IMMP2L: variants seen among roughly 807,000 people sequenced by gnomAD.
IMMP2L encodes the protein inner mitochondrial membrane peptidase subunit 2, also known as mitochondrial inner membrane protease subunit 2.
In IMMP2L, 18 loss-of-function variants were observed where a neutral mutation model predicts 19.3. The ratio of observed to expected loss-of-function variants is 0.93; its 90% CI spans 0.64 to 1.38. The LOEUF (loss-of-function observed/expected upper bound fraction) is 1.38, where lower values mean the gene tolerates loss of function less well. IMMP2L is among the 40% of genes most tolerant of loss of function. The pLI is 0.00. For missense variants in IMMP2L, 233 were observed against 218.2 expected (o/e 1.07, Z -0.43); for synonymous variants, 76 against 73.0 (o/e 1.04, Z -0.21).
chr7:110,856,934 C>A (rs1457729274), intron 5 of IMMP2L, among the ~76,000 whole-genome samples: 2 of 151,998 alleles, frequency 1.3e-5, no homozygotes, highest in African/African-American at 4.8e-5. Flanking sequence ...GAAACAAAAA[C>A]CACTGTCTCT....
At chr7:111,168,064 TTAA>T (rs1346630043) in intron 3 of IMMP2L, among the ~76,000 whole-genome samples, 1 of 151,950 alleles carries the variant, frequency 6.6e-6, no homozygotes, top group Non-Finnish European at 1.5e-5. Context: ...GTTTTCAGTC[TTAA>T]TAAATTTCAT....
At chr7:110,783,168 C>T (rs550848575) in intron 5 of IMMP2L, among the ~76,000 whole-genome samples, 1 of 151,842 alleles carries the variant, frequency 6.6e-6, no homozygotes, top group East Asian at 1.9e-4. Context: ...AGGGACCATA[C>T]AGAATAGGGA....
chr7:110,808,759 C>T lies in IMMP2L; in HGVS notation c.408+77834G>A, dbSNP rs572410150. On this transcript the variant is annotated intron_variant, in intron 5 of 5. Coordinates refer to ENST00000405709, the MANE Select transcript of IMMP2L (RefSeq NM_032549.4). Reference sequence around the variant, plus strand: ...AGCATTCAGAATCTCTGGATGTTTACCAGATAGTTTAAAGGAAACATAGAG... The same window carrying T: ...AGCATTCAGAATCTCTGGATGTTTATCAGATAGTTTAAAGGAAACATAGAG... Among the ~76,000 whole-genome samples, 255 of 152,050 alleles carry T rather than the reference C, an allele frequency of 1.7e-3. 1 individual carries two copies. Among genetic ancestry groups the T allele is most frequent in the Middle Eastern group, 0.01 (3 of 294 alleles).
At chr7:111,224,246 T>C (rs945155528) in intron 3 of IMMP2L, among the ~76,000 whole-genome samples, 2 of 152,104 alleles carry the variant, frequency 1.3e-5, no homozygotes, top group Non-Finnish European at 2.9e-5. Flanking sequence ...GAGAATGTCA[T>C]TATTCTGACC....
chr7:110,867,948 CCA>C (rs1198504682), intron 5 of IMMP2L, among the ~76,000 whole-genome samples: 1 of 151,914 alleles, frequency 6.6e-6, no homozygotes, highest in Non-Finnish European at 1.5e-5. Context: ...GTTGTCACCC[CCA>C]GAGGTCCCCA....
chr7:111,222,843 C>A (rs1812665026), intron 3 of IMMP2L, among the ~76,000 whole-genome samples: 2 of 151,950 alleles, frequency 1.3e-5, no homozygotes, highest in African/African-American at 4.8e-5. Context: ...CCTAAAAAAT[C>A]TGTTGTCCAT....
At chr7:111,078,137 C>G (rs535713072) in intron 3 of IMMP2L, among the ~76,000 whole-genome samples, 1 of 152,248 alleles carries the variant, frequency 6.6e-6, no homozygotes, top group African/African-American at 2.4e-5. Flanking sequence ...CTTACATCAC[C>G]CCAAGTAACA....
chr7:111,205,929 T>C (rs766412033), intron 3 of IMMP2L, among the ~76,000 whole-genome samples: 4 of 152,192 alleles, frequency 2.6e-5, no homozygotes, highest in Non-Finnish European at 2.9e-5. Flanking sequence ...TAGAAGAAAC[T>C]GGCTGGAAGC....
At chr7:111,266,148 G>A (rs1329483148) in intron 3 of IMMP2L, among the ~76,000 whole-genome samples, 1 of 152,154 alleles carries the variant, frequency 6.6e-6, no homozygotes, top group Non-Finnish European at 1.5e-5. Context: ...TATGAGAACA[G>A]TGACTGCTGT....
intron 3 of IMMP2L, among the ~76,000 whole-genome samples, chr7:111,139,083 G>T (rs1336231930): frequency 2.0e-5 from 3 of 151,872 alleles, no homozygotes; most frequent in Non-Finnish European, 4.4e-5. Flanking sequence ...ACAAATAAAT[G>T]AATGTGATAT....
intron 3 of IMMP2L, among the ~76,000 whole-genome samples, chr7:111,333,753 C>G (rs917122302): frequency 6.6e-6 from 1 of 152,098 alleles, no homozygotes; most frequent in African/African-American, 2.4e-5. Flanking sequence ...CAGCCTACAT[C>G]TTTCTCCCGT....
chr7:111,441,448 G>C (rs982206124), intron 3 of IMMP2L, among the ~76,000 whole-genome samples: 2 of 151,738 alleles, frequency 1.3e-5, no homozygotes, highest in Non-Finnish European at 2.9e-5. Flanking sequence ...AGGAACTGCA[G>C]GTCGGTGGAG....
chr7:110,786,838 G>C (rs1252615484), intron 5 of IMMP2L, among the ~76,000 whole-genome samples: 1 of 151,974 alleles, frequency 6.6e-6, no homozygotes, highest in Non-Finnish European at 1.5e-5. Flanking sequence ...TAACTTGCAG[G>C]CTTCCTTTTA....
intron 1 of IMMP2L, among the ~76,000 whole-genome samples, chr7:111,540,438 T>A (rs570413154): frequency 6.6e-6 from 1 of 152,190 alleles, no homozygotes; most frequent in Admixed American, 6.5e-5. Context: ...CTGTAACAAG[T>A]TAAGTGAATC....
intron 5 of IMMP2L, among the ~76,000 whole-genome samples, chr7:110,687,140 T>C (rs1438629550): frequency 6.6e-6 from 1 of 152,102 alleles, no homozygotes; most frequent in Non-Finnish European, 1.5e-5. Flanking sequence ...GTAACCAGCA[T>C]GGTTACTCTG....
intron 5 of IMMP2L, among the ~76,000 whole-genome samples, chr7:110,851,472 A>C (rs897531689): frequency 2.0e-5 from 3 of 152,122 alleles, no homozygotes; most frequent in African/African-American, 7.2e-5. Flanking sequence ...TTGTCCTGAG[A>C]CGTTGTTTAT....
chr7:111,325,246 A>G (rs1825185340), intron 3 of IMMP2L, among the ~76,000 whole-genome samples: 1 of 151,716 alleles, frequency 6.6e-6, no homozygotes, highest in African/African-American at 2.4e-5. Context: ...CTTTTAATAT[A>G]ACACTGATTA....
intron 5 of IMMP2L, among the ~76,000 whole-genome samples, chr7:110,682,515 G>A (rs1330731425): frequency 6.6e-6 from 1 of 152,220 alleles, no homozygotes; most frequent in African/African-American, 2.4e-5. Flanking sequence ...ATGTAGATTG[G>A]ACACAACTCA....
chr7:111,469,297 C>A (rs1840986066), intron 3 of IMMP2L, among the ~76,000 whole-genome samples: 1 of 152,092 alleles, frequency 6.6e-6, no homozygotes, highest in Non-Finnish European at 1.5e-5. Flanking sequence ...TGAAGAAAGT[C>A]ATTGGTAGCT....
Sources: gnomAD v4.1 joint callset for allele counts (sites outside exome capture counted in the v4.1 genomes callset) on GRCh38, gnomAD v4.1.1 for gene constraint, MANE v1.5 for transcripts, NCBI Gene and HGNC (gene_info 2026-07-23, HGNC 2026-07-21) for gene names.